The following MID1 variants were observed in gnomAD, a reference collection of about 807,000 sequenced individuals.
MID1 encodes midline 1.
In MID1, 7 loss-of-function variants were observed where a neutral mutation model predicts 40.4. That is an observed-to-expected ratio of 0.17 (90% CI 0.10 to 0.33). MID1 has a LOEUF of 0.33. Among genes scored for constraint, MID1 ranks in the 10% least tolerant of loss-of-function variants. The pLI is 1.00. For missense variants in MID1, 367 were observed against 558.5 expected, an observed-to-expected ratio of 0.66 and a Z score of 3.46; for synonymous variants, 229 against 221.2, an observed-to-expected ratio of 1.04 and a Z score of -0.31.
intron 1 of MID1, among the ~76,000 whole-genome samples, chrX:10,778,606 T>G (rs2147131181): frequency 8.9e-6 from 1 of 112,036 alleles, no homozygotes; most frequent in African/African-American, 3.2e-5. Flanking sequence ...ATCACAAAGG[T>G]ATTTTAAGGG....
intron 2 of MID1, among the ~76,000 whole-genome samples, chrX:10,529,318 T>TAGCTAC (rs1932897561): frequency 8.9e-6 from 1 of 111,939 alleles, no homozygotes; most frequent in South Asian, 3.8e-4. Flanking sequence ...TAGTAGTACA[T>TAGCTAC]AGCTACAAGA....
At chrX:10,548,281 C>A (rs1454985556) in intron 2 of MID1, among the ~76,000 whole-genome samples, 1 of 111,412 alleles carries the variant, frequency 9.0e-6, no homozygotes, top group South Asian at 3.9e-4. Flanking sequence ...CTATGATACC[C>A]CTCTCTATGA....
At chrX:10,735,884 G>C (rs1395638611) in intron 1 of MID1, among the ~76,000 whole-genome samples, 1 of 108,951 alleles carries the variant, frequency 9.2e-6, no homozygotes, top group Non-Finnish European at 1.9e-5. Context: ...CCCCTGCCTC[G>C]GTCTCCCAAA....
At chrX:10,832,962 C>A (rs570189387) in intron 1 of MID1, among the ~76,000 whole-genome samples, 6 of 112,548 alleles carry the variant, frequency 5.3e-5, no homozygotes, top group Non-Finnish European at 1.9e-5. Flanking sequence ...AATAGACATA[C>A]GCTCCTTGTC....
intron 1 of MID1, among the ~76,000 whole-genome samples, chrX:10,626,626 C>T (rs1016842101): frequency 1.3e-4 from 14 of 111,662 alleles, no homozygotes; most frequent in East Asian, 1.1e-3. Flanking sequence ...GGAATGGTTG[C>T]AATGTCTGAG....
intron 2 of MID1, among the ~76,000 whole-genome samples, chrX:10,555,640 T>A (rs1048661731): frequency 2.7e-5 from 3 of 110,702 alleles, no homozygotes; most frequent in African/African-American, 6.6e-5. Flanking sequence ...CTTTTTTTTT[T>A]AAAAGCAGGA....
rs893762458 is a variant in MID1 at position 10,595,653 on chromosome X, G to A, written c.-57+24637C>T. 3.2e-4 allele frequency among the ~76,000 whole-genome samples: 36 copies of A among 112,065 alleles called. 1 individual carries two copies. The Admixed American group carries it at 3.3e-3, about 10-fold the overall frequency. On this transcript the variant is annotated intron_variant, in intron 1 of 9. Coordinates refer to ENST00000317552, the MANE Select transcript of MID1 (RefSeq NM_000381.4). Reference sequence around the variant, plus strand: ...AGAGAGTAGAACAGTGGTTCCCAGAGGCTGCTGAGGGTATGGGGGAAGGGA... The same window carrying A: ...AGAGAGTAGAACAGTGGTTCCCAGAAGCTGCTGAGGGTATGGGGGAAGGGA...
chrX:10,566,948 C>G lies in MID1; in HGVS notation c.600G>C (p.Leu200=). The change falls in exon 2 of 10, where the codon CTG becomes CTC. Residue 200 remains leucine (L), a synonymous_variant. Transcript: ENST00000317552. The stretch of plus-strand genomic sequence containing the variant: ...CCTGATGATCGCGGTGCCGCCCAAC[C>G]AGTTTACACAAGGCACAGATTAACT... ...DDQLICALCK[L]VGRHRDHQVA... The G allele has an allele frequency of 8.3e-7, 1 of 1,211,941 alleles. No individual in the cohort carries two copies. Among genetic ancestry groups the G allele is most frequent in the Non-Finnish European group, 1.1e-6 (1 of 895,556 alleles).
At chrX:10,724,753 TTTATC>T (rs1287795974) in intron 1 of MID1, among the ~76,000 whole-genome samples, 2 of 112,600 alleles carry the variant, frequency 1.8e-5, no homozygotes, top group Non-Finnish European at 3.7e-5. Context: ...GTTTTACTGT[TTTATC>T]TTAGTTACCT....
intron 1 of MID1, among the ~76,000 whole-genome samples, chrX:10,704,777 G>A (rs1322789704): frequency 1.0e-5 from 1 of 99,963 alleles, no homozygotes; most frequent in Non-Finnish European, 2.0e-5. Flanking sequence ...GAGAGAGAGA[G>A]AGAGAGAGAT....
At chrX:10,756,515 C>A (rs916224857) in intron 1 of MID1, among the ~76,000 whole-genome samples, 7 of 110,242 alleles carry the variant, frequency 6.3e-5, no homozygotes, top group Non-Finnish European at 9.5e-5. Context: ...CAGGGAGGAC[C>A]TTTGGGAGTC....
chrX:10,693,146 G>A (rs1160098430), intron 1 of MID1, among the ~76,000 whole-genome samples: 1 of 108,081 alleles, frequency 9.3e-6, no homozygotes, highest in African/African-American at 3.4e-5. Flanking sequence ...GATGCAGTAA[G>A]TTTGACTAAA....
At chrX:10,805,783 T>A (rs1461525933) in intron 1 of MID1, among the ~76,000 whole-genome samples, 1 of 106,520 alleles carries the variant, frequency 9.4e-6, no homozygotes, top group Non-Finnish European at 1.9e-5. Flanking sequence ...TGAGATGGTA[T>A]CTCATTGTGG....
intron 3 of MID1, among the ~76,000 whole-genome samples, chrX:10,506,869 C>G (rs977335253): frequency 1.8e-5 from 2 of 111,840 alleles, no homozygotes; most frequent in Non-Finnish European, 3.8e-5. Context: ...CACAATCTAC[C>G]TACAAGCACT....
intron 1 of MID1, among the ~76,000 whole-genome samples, chrX:10,598,292 T>C (rs1374129568): frequency 7.2e-5 from 8 of 111,767 alleles, no homozygotes; most frequent in Non-Finnish European, 1.5e-4. Flanking sequence ...TAGGAAAGGG[T>C]GGGCCAATTT....
chrX:10,617,674 T>A (rs1162805892), intron 1 of MID1, among the ~76,000 whole-genome samples: 1 of 111,995 alleles, frequency 8.9e-6, no homozygotes, highest in Non-Finnish European at 1.9e-5. Context: ...GGACAATGGG[T>A]GGCTTGCCAT....
intron 2 of MID1, 141 bp from the exon 3 acceptor site, chrX:10,523,328 ATAGATT>A: frequency 4.2e-6 from 2 of 481,891 alleles, no homozygotes. Context: ...TCAAGTATTT[ATAGATT>A]TAAACTGGAT....
chrX:10,652,523 TC>T (rs1264991039), intron 1 of MID1, among the ~76,000 whole-genome samples: 1 of 111,818 alleles, frequency 8.9e-6, no homozygotes, highest in Non-Finnish European at 1.9e-5. Flanking sequence ...TACCTTGCAT[TC>T]CCCTGCACTC....
chrX:10,728,279 C>G (rs1331438631), intron 1 of MID1, among the ~76,000 whole-genome samples: 1 of 111,237 alleles, frequency 9.0e-6, no homozygotes, highest in Non-Finnish European at 1.9e-5. Context: ...GAGTGGGTGG[C>G]CAGCTGCTGA....
Sources: allele counts gnomAD v4.1 joint callset (sites outside exome capture counted in the v4.1 genomes callset), GRCh38; gene constraint gnomAD v4.1.1; transcripts MANE v1.5; gene names NCBI Gene and HGNC (gene_info 2026-07-23, HGNC 2026-07-21).